The following CCDC178 variants were observed in gnomAD, a reference collection of about 807,000 sequenced individuals.
CCDC178 encodes the protein coiled-coil domain-containing protein 178.
A neutral mutation model predicts 117.4 loss-of-function variants in CCDC178; 126 were observed. The ratio of observed to expected loss-of-function variants is 1.07; its 90% CI spans 0.93 to 1.24. The LOEUF is 1.24. Among genes scored for constraint, CCDC178 ranks in the 50% most tolerant of loss-of-function variants. The pLI is 0.00. For missense variants in CCDC178, 1,030 were observed against 986.9 expected (o/e 1.04, Z -0.59); for synonymous variants, 283 against 313.4 (o/e 0.90, Z 1.02).
chr18:33,332,552 A>G (rs947597134), intron 10 of CCDC178, among the ~76,000 whole-genome samples: 2 of 151,868 alleles, frequency 1.3e-5, no homozygotes, highest in African/African-American at 4.8e-5. Context: ...AAACCCCACA[A>G]TTTTATTTTT....
intron 14 of CCDC178, among the ~76,000 whole-genome samples, chr18:33,256,809 A>G (rs1304820855): frequency 6.6e-6 from 1 of 152,066 alleles, no homozygotes; most frequent in East Asian, 1.9e-4. Flanking sequence ...TATTCAATTA[A>G]TAGAATCTTC....
intron 21 of CCDC178, among the ~76,000 whole-genome samples, chr18:33,044,701 A>G (rs1483493543): frequency 1.3e-5 from 2 of 152,208 alleles, no homozygotes; most frequent in East Asian, 1.9e-4. Flanking sequence ...GCAAAAAGAT[A>G]CCTGCACTGG....
intron 20 of CCDC178, among the ~76,000 whole-genome samples, chr18:33,103,155 G>T (rs1183911185): frequency 6.6e-6 from 1 of 151,738 alleles, no homozygotes; most frequent in Non-Finnish European, 1.5e-5. Context: ...TGCTGGGGAG[G>T]CCTGAGAATC....
chr18:33,428,841 A>G (rs1331288924), intron 2 of CCDC178, among the ~76,000 whole-genome samples: 1 of 151,294 alleles, frequency 6.6e-6, no homozygotes, highest in Non-Finnish European at 1.5e-5. Flanking sequence ...AAAAAAAAAA[A>G]GTTCTCAGGA....
chr18:33,121,280 G>T (rs775130053), intron 20 of CCDC178, among the ~76,000 whole-genome samples: 6 of 152,112 alleles, frequency 3.9e-5, no homozygotes, highest in Non-Finnish European at 8.8e-5. Context: ...TACAGACATA[G>T]ACAGAGAAGA....
intron 12 of CCDC178, among the ~76,000 whole-genome samples, chr18:33,286,364 T>C (rs1322185571): frequency 6.6e-6 from 1 of 152,196 alleles, no homozygotes; most frequent in African/African-American, 2.4e-5. Flanking sequence ...GTTTTCATGG[T>C]CCAAAAATTT....
intron 20 of CCDC178, among the ~76,000 whole-genome samples, chr18:33,136,723 T>C (rs986531262): frequency 1.3e-5 from 2 of 152,218 alleles, no homozygotes; most frequent in African/African-American, 2.4e-5. Flanking sequence ...TATTTGGTGC[T>C]ATCCTATTTT....
intron 14 of CCDC178, among the ~76,000 whole-genome samples, chr18:33,261,087 G>GTTTA (rs1164768612): frequency 1.3e-5 from 2 of 149,578 alleles, no homozygotes; most frequent in African/African-American, 2.5e-5. Context: ...TTTTCTGTTT[G>GTTTA]TTTGTTTGTT....
intron 21 of CCDC178, among the ~76,000 whole-genome samples, chr18:33,067,351 A>G (rs2057034665): frequency 6.6e-6 from 1 of 152,232 alleles, no homozygotes; most frequent in Non-Finnish European, 1.5e-5. Context: ...AATCTATCAA[A>G]AGCAGTGCTA....
At chr18:33,239,982 T>A (rs1443008690) in intron 15 of CCDC178, among the ~76,000 whole-genome samples, 1 of 150,708 alleles carries the variant, frequency 6.6e-6, no homozygotes, top group East Asian at 2.0e-4. Flanking sequence ...ATCATATGTT[T>A]AGACACAAAA....
chr18:33,094,339 T>C (rs2057510641), intron 20 of CCDC178, among the ~76,000 whole-genome samples: 1 of 152,002 alleles, frequency 6.6e-6, no homozygotes, highest in Non-Finnish European at 1.5e-5. Context: ...TTTCCTTTGG[T>C]GGAGATTCTT....
chr18:33,379,099 ATATATATATATTTCCATATATATAT>A (rs2063400668), intron 5 of CCDC178, among the ~76,000 whole-genome samples: 1 of 76,484 alleles, frequency 1.3e-5, no homozygotes, highest in Non-Finnish European at 2.9e-5. Flanking sequence ...TCTTTGCCGT[ATATATATATATTTCCATATATATAT>A]AATATATATA....
chr18:33,275,221 A>G (rs1251731690), intron 12 of CCDC178, among the ~76,000 whole-genome samples: 1 of 152,076 alleles, frequency 6.6e-6, no homozygotes, highest in African/African-American at 2.4e-5. Flanking sequence ...GGGAAAAATG[A>G]GAGAAATCAT....
intron 20 of CCDC178, among the ~76,000 whole-genome samples, chr18:33,190,542 T>C (rs2058845026): frequency 1.3e-5 from 2 of 152,210 alleles, no homozygotes; most frequent in African/African-American, 4.8e-5. Flanking sequence ...TCTAAGTATA[T>C]GTGTTTACTG....
chr18:33,354,386 C>A (rs974045425), intron 7 of CCDC178, among the ~76,000 whole-genome samples: 1 of 151,954 alleles, frequency 6.6e-6, no homozygotes, highest in South Asian at 2.1e-4. Flanking sequence ...ATTCTCTAGC[C>A]CTTTCTTCTC....
intron 20 of CCDC178, among the ~76,000 whole-genome samples, chr18:33,183,600 G>A (rs188005722): frequency 9.2e-5 from 14 of 152,012 alleles, no homozygotes; most frequent in East Asian, 1.9e-4. Context: ...AAATACTGCC[G>A]TAAATACAGA....
At chr18:33,143,740 T>C (rs1471890337) in intron 20 of CCDC178, among the ~76,000 whole-genome samples, 1 of 152,152 alleles carries the variant, frequency 6.6e-6, no homozygotes, top group East Asian at 1.9e-4. Context: ...AGTTTCATTC[T>C]TTTCTGAGGA....
intron 10 of CCDC178, among the ~76,000 whole-genome samples, chr18:33,332,276 G>A (rs991437383): frequency 1.5e-4 from 23 of 151,998 alleles, no homozygotes; most frequent in Non-Finnish European, 2.4e-4. Flanking sequence ...AAGGAGGAAC[G>A]AAAATGGAAC....
At chr18:33,102,175 A>G (rs182652588) in intron 20 of CCDC178, among the ~76,000 whole-genome samples, 139 of 151,956 alleles carry the variant, frequency 9.1e-4, no homozygotes, top group African/African-American at 3.1e-3. Context: ...TACATCGATA[A>G]TGAGGAAATA....
Sources: gnomAD v4.1 joint callset for allele counts (sites outside exome capture counted in the v4.1 genomes callset) on GRCh38, gnomAD v4.1.1 for gene constraint, MANE v1.5 for transcripts, NCBI Gene and HGNC (gene_info 2026-07-23, HGNC 2026-07-21) for gene names.